NSUN3: variants seen among roughly 807,000 people sequenced by gnomAD.
NSUN3 encodes tRNA (cytosine(34)-C(5))-methyltransferase, mitochondrial.
Under a neutral mutation model 36.8 loss-of-function variants are expected in NSUN3, and 24 were observed. The observed-to-expected ratio is 0.65, with a 90% CI of 0.47 to 0.92. The LOEUF (loss-of-function observed/expected upper bound fraction) is 0.92, where lower values mean the gene tolerates loss of function less well. Ranked by LOEUF, NSUN3 falls within the 40% of genes least tolerant of loss-of-function variation. NSUN3 has a pLI of 0.00. For missense variants in NSUN3, 381 were observed against 392.8 expected (o/e 0.97, Z 0.25); for synonymous variants, 146 against 145.2 (o/e 1.01, Z -0.04).
Position 94,084,352 on chromosome 3 carries a change from C to T in NSUN3, c.368C>T (p.Pro123Leu). 6.2e-7 allele frequency: 1 copy of T among 1,614,110 alleles called. No individual in the cohort carries two copies. The highest frequency in any genetic ancestry group is 8.5e-7 in the Non-Finnish European group (1 of 1,179,994). The change falls in exon 3 of 6, where the codon CCA becomes CTA. Residue 123 changes from proline to leucine, a missense_variant. By Grantham distance (98) the Pro-to-Leu change is moderately conservative. Transcript: ENST00000314622. ...CTCCTAAATGCTGCTTCTCTTCTCCCAGTGTTGGCTCTGGAATTAAGGGAT... is the reference window on the plus strand; with the variant it reads ...CTCCTAAATGCTGCTTCTCTTCTCCTAGTGTTGGCTCTGGAATTAAGGGAT... The part of the protein sequence containing the change: ...YYLLNAASLL[P>L]VLALELRDGE...
At chr3:94,080,223 G>A (rs1395826697) in intron 2 of NSUN3, among the ~76,000 whole-genome samples, 1 of 152,168 alleles carries the variant, frequency 6.6e-6, no homozygotes, top group Non-Finnish European at 1.5e-5. Flanking sequence ...GACCTTGTTT[G>A]CCTGGGTATC....
At chr3:94,097,307 G>T (rs2077345742) in intron 5 of NSUN3, among the ~76,000 whole-genome samples, 1 of 151,720 alleles carries the variant, frequency 6.6e-6, no homozygotes, top group African/African-American at 2.4e-5. Flanking sequence ...TGCATGTAGT[G>T]AAATACATTT....
At chr3:94,112,583 G>T (rs940735476) in intron 5 of NSUN3, among the ~76,000 whole-genome samples, 2 of 152,208 alleles carry the variant, frequency 1.3e-5, no homozygotes, top group Non-Finnish European at 2.9e-5. Flanking sequence ...TCACAATCCA[G>T]GGTGGCTATC....
intron 5 of NSUN3, among the ~76,000 whole-genome samples, chr3:94,115,363 C>T (rs1302154918): frequency 2.0e-5 from 3 of 152,048 alleles, no homozygotes; most frequent in Non-Finnish European, 4.4e-5. Flanking sequence ...TTGTGGCATC[C>T]TTTACTTATA....
At chr3:94,098,329 A>G (rs2077351773) in intron 5 of NSUN3, among the ~76,000 whole-genome samples, 1 of 152,168 alleles carries the variant, frequency 6.6e-6, no homozygotes, top group Admixed American at 6.5e-5. Flanking sequence ...ACTGGCCTCT[A>G]ACTGTCCTAC....
chr3:94,088,960 C>T (rs1435737398), intron 3 of NSUN3, among the ~76,000 whole-genome samples: 4 of 152,164 alleles, frequency 2.6e-5, no homozygotes, highest in South Asian at 4.1e-4. Flanking sequence ...TGAGCCCCCA[C>T]GCCTGGCCCA....
chr3:94,127,614 A>G lies in NSUN3; in HGVS notation c.*1124A>G, dbSNP rs1271629324. 1 of 152,174 alleles carries G rather than the reference A, an allele frequency of 6.6e-6. No homozygotes were observed. Among genetic ancestry groups the G allele is most frequent in the African/African-American group, 2.4e-5 (1 of 41,436 alleles). The allele number at this position is 152,174 out of a possible 1,614,324, so 9.4% of individuals were successfully genotyped here. ...AAATTACTTCACTTAGAGTACAAAC[A>G]TATTTTTCCAACTATTAAGAAAAAT... On this transcript the variant is annotated 3_prime_UTR_variant, in exon 6 of 6. Coordinates refer to ENST00000314622, the MANE Select transcript of NSUN3 (RefSeq NM_022072.5).
intron 2 of NSUN3, among the ~76,000 whole-genome samples, chr3:94,074,512 T>A (rs1276743759): frequency 6.6e-6 from 1 of 152,188 alleles, no homozygotes; most frequent in Non-Finnish European, 1.5e-5. Flanking sequence ...CTTGAAGAGG[T>A]CCTTCACATC....
intron 5 of NSUN3, among the ~76,000 whole-genome samples, chr3:94,110,179 G>A (rs2077410160): frequency 6.6e-6 from 1 of 152,214 alleles, no homozygotes; most frequent in African/African-American, 2.4e-5. Context: ...TGAGGCCACT[G>A]TATTATTCCT....
chr3:94,068,281 T>G (rs1267512201), intron 2 of NSUN3, among the ~76,000 whole-genome samples: 1 of 152,248 alleles, frequency 6.6e-6, no homozygotes, highest in Non-Finnish European at 1.5e-5. Flanking sequence ...GTTACTATGA[T>G]TAACCACTTC....
At chr3:94,092,737 C>G (rs1197870320) in intron 3 of NSUN3, among the ~76,000 whole-genome samples, 1 of 151,750 alleles carries the variant, frequency 6.6e-6, no homozygotes, top group African/African-American at 2.4e-5. Flanking sequence ...AACCCCGTCT[C>G]TACTAAAAAT....
intron 2 of NSUN3, among the ~76,000 whole-genome samples, chr3:94,080,789 T>C (rs897476765): frequency 6.6e-6 from 1 of 152,196 alleles, no homozygotes; most frequent in African/African-American, 2.4e-5. Flanking sequence ...GATCTGAGAC[T>C]GCTGCTGTGC....
chr3:94,065,420 A>T (rs893876158), intron 2 of NSUN3, among the ~76,000 whole-genome samples: 1 of 152,230 alleles, frequency 6.6e-6, no homozygotes, highest in Non-Finnish European at 1.5e-5. Context: ...TGCACTGTTC[A>T]TGAAGTTAGG....
chr3:94,103,988 A>C (rs954916525), intron 5 of NSUN3, among the ~76,000 whole-genome samples: 1 of 152,184 alleles, frequency 6.6e-6, no homozygotes, highest in African/African-American at 2.4e-5. Flanking sequence ...CCTCCTTGGT[A>C]AATAGACTAA....
chr3:94,092,919 C>CAA (rs1161530879), intron 3 of NSUN3, among the ~76,000 whole-genome samples: 11,675 of 24,602 alleles, frequency 0.47, 3,177 homozygotes, highest in Middle Eastern at 0.55. Flanking sequence ...GACTGCATCT[C>CAA]AAAAAAAAAA....
intron 3 of NSUN3, among the ~76,000 whole-genome samples, chr3:94,091,181 AC>A (rs2077313470): frequency 6.6e-6 from 1 of 152,146 alleles, no homozygotes; most frequent in South Asian, 2.1e-4. Flanking sequence ...TAAAGAGAAG[AC>A]CTTAATAGCA....
intron 5 of NSUN3, among the ~76,000 whole-genome samples, chr3:94,115,342 A>C (rs1425600638): frequency 6.6e-6 from 1 of 152,164 alleles, no homozygotes; most frequent in Admixed American, 6.5e-5. Flanking sequence ...AGAAGGAAAA[A>C]CTTGCTAATA....
chr3:94,064,082 TG>T (rs995547239), intron 1 of NSUN3: 1 of 186,008 alleles, frequency 5.4e-6, no homozygotes, highest in Non-Finnish European at 1.1e-5. Flanking sequence ...CCAGACCTCA[TG>T]TGATCCTCCC....
intron 2 of NSUN3, among the ~76,000 whole-genome samples, chr3:94,069,375 AT>A (rs1178073348): frequency 6.6e-6 from 1 of 152,194 alleles, no homozygotes; most frequent in Non-Finnish European, 1.5e-5. Context: ...CCATAAATTG[AT>A]TTGTTTTTCA....
Sources: gnomAD v4.1 joint callset for allele counts (sites outside exome capture counted in the v4.1 genomes callset) on GRCh38, gnomAD v4.1.1 for gene constraint, MANE v1.5 for transcripts, NCBI Gene and HGNC (gene_info 2026-07-23, HGNC 2026-07-21) for gene names.